Variants in KIAA0825 observed in about 807,000 individuals in gnomAD.
KIAA0825 encodes the protein uncharacterized protein KIAA0825.
In KIAA0825, 119 loss-of-function variants were observed where a neutral mutation model predicts 147.6. That is an observed-to-expected ratio of 0.81 (90% CI 0.69 to 0.94). KIAA0825 has a LOEUF of 0.94. KIAA0825 is among the 40% of genes least tolerant of loss of function. The pLI is 0.00. For missense variants in KIAA0825, 1,381 were observed against 1,472.7 expected (o/e 0.94, Z 1.02); for synonymous variants, 470 against 518.1 (o/e 0.91, Z 1.26).
chr5:94,582,248 G>A (rs1043131971), intron 2 of KIAA0825, among the ~76,000 whole-genome samples, 185 bp downstream of exon 2: 7 of 152,110 alleles, frequency 4.6e-5, no homozygotes, highest in African/African-American at 1.7e-4. Flanking sequence ...ATCAAATTGT[G>A]CTTTCCCTAA....
chr5:94,379,925 C>T (rs974391345), intron 20 of KIAA0825, among the ~76,000 whole-genome samples: 1 of 140,146 alleles, frequency 7.1e-6, no homozygotes, highest in Non-Finnish European at 1.5e-5. Flanking sequence ...ATGATCTCGG[C>T]TCACTGCAAG....
chr5:94,344,647 C>T (rs1231506213), intron 20 of KIAA0825, among the ~76,000 whole-genome samples: 2 of 152,130 alleles, frequency 1.3e-5, no homozygotes, highest in Non-Finnish European at 2.9e-5. Flanking sequence ...AAGGTAGAAG[C>T]AACCAAAGTT....
chr5:94,499,405 T>C (rs1186750896), intron 5 of KIAA0825, among the ~76,000 whole-genome samples: 1 of 152,164 alleles, frequency 6.6e-6, no homozygotes, highest in East Asian at 1.9e-4. Flanking sequence ...ATTCTTGTTT[T>C]CTGCTTCTTC....
At chr5:94,418,270 TGTG>T (rs1279229634) in intron 14 of KIAA0825, among the ~76,000 whole-genome samples, 1 of 152,194 alleles carries the variant, frequency 6.6e-6, no homozygotes, top group Non-Finnish European at 1.5e-5. Flanking sequence ...ATTTTTTTCC[TGTG>T]ATTTGATTTT....
chr5:94,317,105 C>T (rs1562373368), intron 20 of KIAA0825, among the ~76,000 whole-genome samples: 1 of 151,800 alleles, frequency 6.6e-6, no homozygotes, highest in Non-Finnish European at 1.5e-5. Flanking sequence ...TATCAATAGT[C>T]ACAACCCTCA....
intron 20 of KIAA0825, among the ~76,000 whole-genome samples, chr5:94,308,685 C>A (rs921902651): frequency 6.6e-6 from 1 of 151,774 alleles, no homozygotes; most frequent in South Asian, 2.1e-4. Context: ...TTCATTCATT[C>A]ATTAAAGAAA....
At position 94,396,082 on chromosome 5, in the gene KIAA0825, G is replaced by A. The variant is rs1750618935; in HGVS notation, c.3296+19C>T. The A allele has an allele frequency of 7.1e-7, 1 of 1,416,048 alleles. No individual in the cohort carries two copies. The highest frequency in any genetic ancestry group is 9.2e-7 in the Non-Finnish European group (1 of 1,083,008). The allele number at this position is 1,416,048 out of a possible 1,614,324, so 87.7% of individuals were successfully genotyped here. On this transcript the variant is annotated intron_variant, in intron 17 of 20. Coordinates refer to ENST00000682413, the MANE Select transcript of KIAA0825 (RefSeq NM_001145678.3). ...GAAAGCATTTGATGAAATCCAATAA[G>A]AGAAAAACATCACTTTACCATTCAG...
At chr5:94,482,069 AT>A (rs1762553149) in intron 6 of KIAA0825, among the ~76,000 whole-genome samples, 1 of 152,082 alleles carries the variant, frequency 6.6e-6, no homozygotes, top group African/African-American at 2.4e-5. Flanking sequence ...ATGTCCTATC[AT>A]TTTTTGAAGT....
intron 14 of KIAA0825, among the ~76,000 whole-genome samples, chr5:94,430,708 A>G (rs1014613659): frequency 1.3e-4 from 20 of 152,230 alleles, no homozygotes; most frequent in South Asian, 2.1e-4. Context: ...CACATTAACT[A>G]CTAAGGAAGA....
intron 3 of KIAA0825, among the ~76,000 whole-genome samples, chr5:94,527,733 C>A (rs188629497): frequency 6.6e-6 from 1 of 151,810 alleles, no homozygotes; most frequent in Non-Finnish European, 1.5e-5. Flanking sequence ...TGTTCATTTC[C>A]GTGCTTTTTG....
chr5:94,431,078 T>C lies in KIAA0825; in HGVS notation c.2497+8904A>G, dbSNP rs147439759. Among the ~76,000 whole-genome samples, 15 of 152,218 alleles carry C rather than the reference T, an allele frequency of 9.9e-5. No homozygotes were observed. The East Asian group carries it at 2.9e-3, about 29-fold the overall frequency. ...ACTGAGAAGCACAGGCAGAGACCAT[T>C]GCATAGAGAGCACAGGAGTAATCAG... On this transcript the variant is annotated intron_variant, in intron 14 of 20. Coordinates refer to ENST00000682413, the MANE Select transcript of KIAA0825 (RefSeq NM_001145678.3).
chr5:94,348,397 A>C (rs967156951), intron 20 of KIAA0825, among the ~76,000 whole-genome samples: 1 of 152,214 alleles, frequency 6.6e-6, no homozygotes. Flanking sequence ...ATGATACGGA[A>C]GCACTAGGTA....
At chr5:94,308,438 A>T (rs1023218109) in intron 20 of KIAA0825, among the ~76,000 whole-genome samples, 1 of 151,748 alleles carries the variant, frequency 6.6e-6, no homozygotes, top group African/African-American at 2.4e-5. Flanking sequence ...TACTGGGCTT[A>T]AAGTAAAGGA....
chr5:94,463,702 A>G (rs1265472864), intron 11 of KIAA0825, among the ~76,000 whole-genome samples: 1 of 151,680 alleles, frequency 6.6e-6, no homozygotes, highest in African/African-American at 2.4e-5. Flanking sequence ...TTTTTATGCA[A>G]CCACCCAGAA....
intron 13 of KIAA0825, among the ~76,000 whole-genome samples, chr5:94,442,541 C>T (rs1177967655): frequency 6.6e-6 from 1 of 152,028 alleles, no homozygotes; most frequent in Non-Finnish European, 1.5e-5. Flanking sequence ...AAATGTGGTG[C>T]CAAAGGAAGA....
chr5:94,325,738 T>G (rs554913010), intron 20 of KIAA0825, among the ~76,000 whole-genome samples: 135 of 152,084 alleles, frequency 8.9e-4, no homozygotes, highest in Non-Finnish European at 1.8e-3. Context: ...ATTTTTATCT[T>G]GACAGTTCTT....
rs1190608791 is a variant in KIAA0825 at position 94,396,216 on chromosome 5, C to T, written c.3181G>A (p.Asp1061Asn). The T allele has an allele frequency of 1.3e-6, 2 of 1,551,656 alleles. No individual in the cohort carries two copies. Among genetic ancestry groups the T allele is most frequent in the Non-Finnish European group, 1.7e-6 (2 of 1,146,952 alleles). ...ICMCLKSIMG[D>N]QTSIHNQMIQ... ...ATTTGATTATGGATACTTGTCTGGT[C>T]TCCCATGATGCTTTTCAAACACATA... Residue 1061 changes from aspartate (D) to asparagine (N), a missense_variant, in exon 17 of 21, where the codon GAC becomes AAC. Transcript: ENST00000682413.
At chr5:94,254,258 A>T (rs1043893987) in intron 20 of KIAA0825, among the ~76,000 whole-genome samples, 2 of 152,186 alleles carry the variant, frequency 1.3e-5, no homozygotes, top group African/African-American at 4.8e-5. Context: ...AAACCAAACC[A>T]TATTTTGATA....
In KIAA0825 at chr5:94,564,537, A is replaced by AGTGT. The variant is rs56256662; in HGVS notation, c.-2+17892_-2+17895dup. Among the ~76,000 whole-genome samples the AGTGT allele has an allele frequency of 2.4e-3, 79 of 32,916 alleles. 6 individuals are homozygous for AGTGT. Among genetic ancestry groups the AGTGT allele is most frequent in the South Asian group, 4.3e-3 (4 of 922 alleles). The allele number at this position is 32,916 out of a possible 152,430, so 21.6% of individuals were successfully genotyped here. A position where few individuals can be genotyped will look rare whatever the true frequency, so the allele number is the denominator to read the frequency against. ...CATGAGCCACCATGCCTTATTTTTG[A>AGTGT]GTGTGTGTGTGTGTGTGTGTGTGTG... is the stretch of plus-strand genomic sequence containing the variant. On this transcript the variant is annotated intron_variant, in intron 2 of 20. Coordinates refer to ENST00000682413, the MANE Select transcript of KIAA0825 (RefSeq NM_001145678.3).
Sources: gnomAD v4.1 joint callset for allele counts (sites outside exome capture counted in the v4.1 genomes callset) on GRCh38, gnomAD v4.1.1 for gene constraint, MANE v1.5 for transcripts, NCBI Gene and HGNC (gene_info 2026-07-23, HGNC 2026-07-21) for gene names.